The following SLC4A9 variants were observed in gnomAD, a reference collection of about 807,000 sequenced individuals.
SLC4A9 encodes the protein anion exchange protein 4.
Under a neutral mutation model 103.2 loss-of-function variants are expected in SLC4A9, and 102 were observed. That is an observed-to-expected ratio of 0.99 (90% CI 0.84 to 1.17). SLC4A9 has a LOEUF of 1.17. SLC4A9 is among the 50% of genes most tolerant of loss of function. The pLI is 0.00. For missense variants in SLC4A9, 1,091 were observed against 1,193.7 expected, an observed-to-expected ratio of 0.91 and a Z score of 1.27; for synonymous variants, 453 against 483.6, an observed-to-expected ratio of 0.94 and a Z score of 0.83.
chr5:140,367,503 C>CCTGCTG lies in SLC4A9; in HGVS notation c.2101_2106dup (p.Leu701_Leu702dup). On this transcript the variant is annotated inframe_insertion, in exon 15 of 22. Transcript: ENST00000506757. ...GGAGTGTGGCAGCTGCCCTGCCTGC[C>CCTGCTG]CTGCTGCTGTCTATCCTCATCTTCA... 1 of 1,605,594 alleles carries CCTGCTG rather than the reference C, an allele frequency of 6.2e-7. No individual in the cohort carries two copies. The highest frequency in any genetic ancestry group is 8.5e-7 in the Non-Finnish European group (1 of 1,176,354).
At chr5:140,361,478 C>G in intron 3 of SLC4A9, 111 bp downstream of exon 3, 1 of 865,866 alleles carries the variant, frequency 1.2e-6, no homozygotes, top group Non-Finnish European at 1.8e-6. Flanking sequence ...AGGCTCCAAC[C>G]CAGGACTCAT....
chr5:140,368,845 G>A (rs137896723), intron 17 of SLC4A9, among the ~76,000 whole-genome samples, 186 bp downstream of exon 17: 84 of 152,314 alleles, frequency 5.5e-4, no homozygotes, highest in African/African-American at 2.0e-3. Flanking sequence ...GGCAGATGAA[G>A]TTTAAAGAGG....
At position 140,371,584 on chromosome 5, in the gene SLC4A9, T is replaced by A. The variant is rs781588224; in HGVS notation, c.2630T>A (p.Ile877Lys). ...CTTGCCTGTCTGGGGCTGCTTTGGA[T>A]AATCAAGTCTACCCCTGCAGCCATC... is the stretch of plus-strand genomic sequence containing the variant. ...IQLACLGLLW[I>K]IKSTPAAIIF... Residue 877 changes from isoleucine to lysine, a missense_variant, in exon 19 of 22, where the codon ATA (isoleucine) becomes AAA (lysine). Ile to Lys is a moderately radical substitution (Grantham distance 102, BLOSUM62 -3). Transcript: ENST00000506757. The A allele has an allele frequency of 6.2e-7, 1 of 1,614,014 alleles. No individual in the cohort carries two copies. The highest frequency in any genetic ancestry group is 1.7e-5 in the Admixed American group (1 of 60,036).
At chr5:140,372,628 G>A in intron 20 of SLC4A9, 117 bp from the exon 21 acceptor site, 2 of 1,443,240 alleles carry the variant, frequency 1.4e-6, no homozygotes, top group South Asian at 3.0e-5. Flanking sequence ...GCTCAAGTGG[G>A]CTGTCTTTCT....
intron 17 of SLC4A9, among the ~76,000 whole-genome samples, chr5:140,370,148 G>A (rs538368826): frequency 6.6e-6 from 1 of 152,110 alleles, no homozygotes; most frequent in East Asian, 1.9e-4. Flanking sequence ...ACAACCTGGT[G>A]AGAGGAGAAA....
chr5:140,366,084 A>G, intron 13 of SLC4A9, 62 bp downstream of exon 13: 1 of 1,609,488 alleles, frequency 6.2e-7, no homozygotes. Flanking sequence ...CCTATCTGTG[A>G]TGGGAAGTGG....
In SLC4A9 at chr5:140,372,798, G is replaced by T. The variant is rs865965465; in HGVS notation, c.2880G>T (p.Ter960TyrextTer3). 1 of 1,567,282 alleles carries T rather than the reference G, an allele frequency of 6.4e-7. No individual in the cohort carries two copies. The highest frequency in any genetic ancestry group is 2.3e-5 in the East Asian group (1 of 42,944). ...CAGAAATCAACATTTCTGTGAATTAGCTGGAGTAGGAGTCTGGGAGTGGAG... is the reference window on the plus strand; with the variant it reads ...CAGAAATCAACATTTCTGTGAATTATCTGGAGTAGGAGTCTGGGAGTGGAG... ...KAPEINISVN[*>Y] Residue 960 changes from the stop codon to tyrosine (Y), a stop_lost, in exon 21 of 22, where the codon TAG (stop) becomes TAT (tyrosine). Transcript: ENST00000506757.
chr5:140,360,580 G>A, intron 1 of SLC4A9, 114 bp downstream of exon 1: 1 of 1,173,626 alleles, frequency 8.5e-7, no homozygotes, highest in Non-Finnish European at 1.2e-6. Context: ...TTTCCCAGCT[G>A]TGTTCCCTTA....
rs951949794 is a variant in SLC4A9 at position 140,361,245 on chromosome 5, A to G, written c.392-9A>G. On this transcript the variant is annotated splice_polypyrimidine_tract_variant and intron_variant, in intron 2 of 21. Transcript: ENST00000506757. Reference sequence around the variant, plus strand: ...TCAGGAAGGAGATGACCCCCAATCCATTCTCCAGAGCAGGTGACCAGGGTG... The same window carrying G: ...TCAGGAAGGAGATGACCCCCAATCCGTTCTCCAGAGCAGGTGACCAGGGTG... The G allele has an allele frequency of 2.6e-6, 4 of 1,556,078 alleles. No individual in the cohort carries two copies. Among genetic ancestry groups the G allele is most frequent in the African/African-American group, 2.7e-5 (2 of 73,330 alleles).
In SLC4A9 at chr5:140,364,603, C is replaced by G; in HGVS notation, c.1629C>G (p.Leu543=). ...CTGGGTCCTCTGCCTACGGGTGCCT[C>G]TGCCAATACCCAGGCCCAGGAGGTG... ...QKPGSSAYGC[L]CQYPGPGGNE... is the part of the protein sequence containing the mutation. Residue 543 remains leucine (L), a synonymous_variant, in exon 11 of 22, where the codon CTC becomes CTG. Transcript: ENST00000506757. The G allele has an allele frequency of 4.4e-6, 7 of 1,601,162 alleles. No individual in the cohort carries two copies. The highest frequency in any genetic ancestry group is 6.0e-6 in the Non-Finnish European group (7 of 1,173,678).
intron 20 of SLC4A9, 25 bp downstream of exon 20, chr5:140,372,422 A>C: frequency 6.2e-7 from 1 of 1,603,100 alleles, no homozygotes; most frequent in Non-Finnish European, 8.5e-7. Context: ...GGGTCCTCTC[A>C]GGAGAATGTG....
rs770711624 is a variant in SLC4A9, at chr5:140,363,937, G to C, written c.1254+35G>C. On this transcript the variant is annotated intron_variant, in intron 9 of 21. Coordinates refer to ENST00000506757, the MANE Select transcript of SLC4A9 (RefSeq NM_031467.3). The surrounding 1 kb of genome is among the most constrained non-coding windows in gnomAD (Gnocchi z 4.5). ...GCCCAGGGGGCAGGCACAAGCGTTGGTGTCCCCTAGTCCATCCCTTCCCCT... is the reference window on the plus strand; with the variant it reads ...GCCCAGGGGGCAGGCACAAGCGTTGCTGTCCCCTAGTCCATCCCTTCCCCT... 14 of 1,607,502 alleles carry C rather than the reference G, an allele frequency of 8.7e-6. No individual in the cohort carries two copies. The highest frequency in any genetic ancestry group is 1.3e-5 in the African/African-American group (1 of 74,994).
At position 140,360,864 on chromosome 5, in the gene SLC4A9, C is replaced by A. The variant is rs1285512633; in HGVS notation, c.283C>A (p.Pro95Thr). The A allele has an allele frequency of 6.2e-7, 1 of 1,612,668 alleles. No individual in the cohort carries two copies. Among genetic ancestry groups the A allele is most frequent in the Non-Finnish European group, 8.5e-7 (1 of 1,179,652 alleles). ...GGTGGCTGCAGGCCGGTGGAGTGCC[C>A]CCCACGTGCCCACCCTGGCACTGCC... The part of the protein sequence containing the change: ...LEVAAGRWSA[P>T]HVPTLALPSL... Residue 95 changes from proline to threonine, a missense_variant, in exon 2 of 22, where the codon CCC (proline) becomes ACC (threonine). Coordinates refer to ENST00000506757, the MANE Select transcript of SLC4A9 (RefSeq NM_031467.3).
In SLC4A9 at chr5:140,360,797, C is replaced by T; in HGVS notation, c.231-15C>T. 2 of 1,613,278 alleles carry T rather than the reference C, an allele frequency of 1.2e-6. No homozygotes were observed. The highest frequency in any genetic ancestry group is 1.7e-6 in the Non-Finnish European group (2 of 1,179,798). ...AAATGCCCTCAATAACACTGTCTAC[C>T]CACCTTCATCACAGGTGGGTACTGT... On this transcript the variant is annotated splice_polypyrimidine_tract_variant and intron_variant, in intron 1 of 21. Coordinates refer to ENST00000506757, the MANE Select transcript of SLC4A9 (RefSeq NM_031467.3).
intron 6 of SLC4A9, 135 bp downstream of exon 6, chr5:140,362,667 G>A (rs1379040268): frequency 2.9e-6 from 3 of 1,033,198 alleles, no homozygotes; most frequent in African/African-American, 1.6e-5. Flanking sequence ...ACAGCAATGA[G>A]GCACAGTGAG....
chr5:140,369,113 A>G (rs1768327606), intron 17 of SLC4A9, among the ~76,000 whole-genome samples: 1 of 152,112 alleles, frequency 6.6e-6, no homozygotes, highest in African/African-American at 2.4e-5. Context: ...ACTTGAGCGC[A>G]GAAGTTTGAG....
chr5:140,365,961 C>T lies in SLC4A9; in HGVS notation c.1838C>T (p.Thr613Ile), dbSNP rs1175220777. 6.2e-7 allele frequency: 1 copy of T among 1,614,066 alleles called. No individual in the cohort carries two copies. The highest frequency in any genetic ancestry group is 8.5e-7 in the Non-Finnish European group (1 of 1,179,906). ...IAFFSLLLFL[T>I]SFFFAMALKC... ...TTCTTCTCCCTTCTCCTCTTCCTTA[C>T]TTCTTTCTTCTTTGCTATGGCCCTC... The change falls in exon 13 of 22, where the codon ACT (threonine) becomes ATT (isoleucine). Residue 613 changes from threonine (T) to isoleucine (I), a missense_variant. Physicochemically the swap from Thr to Ile is moderately conservative, Grantham distance 89 (BLOSUM62 -1). Coordinates refer to ENST00000506757, the MANE Select transcript of SLC4A9 (RefSeq NM_031467.3).
intron 6 of SLC4A9, 150 bp downstream of exon 6, chr5:140,362,682 G>T: frequency 9.8e-7 from 1 of 1,018,582 alleles, no homozygotes; most frequent in Non-Finnish European, 1.5e-6. Context: ...AGTGAGCACT[G>T]AGACTGAAGT....
chr5:140,364,542 T>C lies in SLC4A9; in HGVS notation c.1568T>C (p.Met523Thr). The stretch of plus-strand genomic sequence containing the variant: ...TTCATCTACGATGCTGTGGGCAAAA[T>C]GCTGAACTTGACCCATACCTATCCT... ...LIFIYDAVGK[M>T]LNLTHTYPIQ... The change falls in exon 11 of 22, where the codon ATG (methionine) becomes ACG (threonine). Residue 523 changes from methionine (M) to threonine (T), a missense_variant. Met to Thr is a moderately conservative substitution (Grantham distance 81). Coordinates refer to ENST00000506757, the MANE Select transcript of SLC4A9 (RefSeq NM_031467.3). 2.5e-6 allele frequency: 4 copies of C among 1,607,842 alleles called. No homozygotes were observed. The highest frequency in any genetic ancestry group is 3.4e-6 in the Non-Finnish European group (4 of 1,176,916).
Sources: allele counts gnomAD v4.1 joint callset (sites outside exome capture counted in the v4.1 genomes callset), GRCh38; gene constraint gnomAD v4.1.1; non-coding constraint Gnocchi (gnomAD v3.1); transcripts MANE v1.5; gene names NCBI Gene and HGNC (gene_info 2026-07-23, HGNC 2026-07-21).